The following CPSF2 variants were observed in gnomAD, a reference collection of about 807,000 sequenced individuals.
CPSF2 encodes the protein cleavage and polyadenylation specific factor 2, also known as cleavage and polyadenylation specificity factor subunit 2.
CPSF2 carries 51 observed loss-of-function variants against 84.2 expected under a neutral mutation model. The observed-to-expected ratio is 0.61, with a 90% CI of 0.48 to 0.77. CPSF2 has a LOEUF of 0.77. CPSF2 is among the 30% of genes least tolerant of loss of function. CPSF2 has a pLI of 0.00. For synonymous variants in CPSF2, 286 were observed against 311.9 expected (o/e 0.92, Z 0.87); for missense variants, 641 against 929.4 (o/e 0.69, Z 4.03).
chr14:92,138,161 TTAAG>T (rs2069024835), intron 6 of CPSF2, 67 bp from the exon 7 acceptor site: 1 of 709,684 alleles, frequency 1.4e-6, no homozygotes, highest in South Asian at 2.3e-5. Context: ...TGCTTATTTT[TTAAG>T]TAAGAGAAGC....
At chr14:92,161,068 G>A in intron 14 of CPSF2, 44 bp from the exon 15 acceptor site, 7 of 1,591,518 alleles carry the variant, frequency 4.4e-6, no homozygotes, top group Non-Finnish European at 6.0e-6. Context: ...TGTATGTCTG[G>A]TGTTTTACTT....
At chr14:92,137,078 A>G (rs1426222953) in intron 6 of CPSF2, among the ~76,000 whole-genome samples, 2 of 152,150 alleles carry the variant, frequency 1.3e-5, no homozygotes, top group Non-Finnish European at 2.9e-5. Context: ...AACTTACAAC[A>G]TATATATAAG....
intron 7 of CPSF2, 54 bp downstream of exon 7, chr14:92,138,401 A>T: frequency 1.1e-6 from 1 of 942,194 alleles, no homozygotes; most frequent in Non-Finnish European, 1.5e-6. Context: ...CTTTTTGTAT[A>T]TTTAGGGAAT....
Position 92,155,330 on chromosome 14 carries a change from G to T in CPSF2, c.1442+7G>T. The T allele has an allele frequency of 6.2e-7, 1 of 1,606,990 alleles. No homozygotes were observed. Among genetic ancestry groups the T allele is most frequent in the South Asian group, 1.1e-5 (1 of 90,862 alleles). On this transcript the variant is annotated splice_region_variant and intron_variant, in intron 11 of 15. Coordinates refer to ENST00000298875, the MANE Select transcript of CPSF2 (RefSeq NM_017437.3). ...AATATGGAGAGATTATCAAGTATGT[G>T]AGCAAAACAAACTTTTCTCTCTTAC... is the stretch of plus-strand genomic sequence containing the variant.
chr14:92,134,160 A>G lies in CPSF2; in HGVS notation c.299A>G (p.Asp100Gly), dbSNP rs142923243. 3 of 1,613,954 alleles carry G rather than the reference A, an allele frequency of 1.9e-6. No individual in the cohort carries two copies. Among genetic ancestry groups the G allele is most frequent in the African/African-American group, 1.3e-5 (1 of 74,914 alleles). ...VYKMGQMFMY[D>G]LYQSRHNTED... Reference sequence around the variant, plus strand: ...AAAATGGGACAGATGTTCATGTATGATCTTTATCAGGTAATTTAAGCAATT... The same window carrying G: ...AAAATGGGACAGATGTTCATGTATGGTCTTTATCAGGTAATTTAAGCAATT... The change falls in exon 4 of 16, where the codon GAT (aspartate) becomes GGT (glycine). Residue 100 changes from aspartate (D) to glycine (G), a missense_variant. Physicochemically the swap from Asp to Gly is moderately conservative, Grantham distance 94. Coordinates refer to ENST00000298875, the MANE Select transcript of CPSF2 (RefSeq NM_017437.3).
At chr14:92,151,014 TG>T (rs1236719119) in intron 9 of CPSF2, among the ~76,000 whole-genome samples, 4 of 152,250 alleles carry the variant, frequency 2.6e-5, no homozygotes, top group Admixed American at 2.6e-4. Flanking sequence ...TTGTAAGATC[TG>T]GATAACTTGG....
At chr14:92,122,425 G>A (rs951735901) in intron 1 of CPSF2, 1 of 158,384 alleles carries the variant, frequency 6.3e-6, no homozygotes, top group African/African-American at 2.4e-5. Context: ...CTTGGCGCTG[G>A]AAGAGTTAAA....
At chr14:92,124,513 G>C (rs74074420) in intron 1 of CPSF2, among the ~76,000 whole-genome samples, 1 of 152,258 alleles carries the variant, frequency 6.6e-6, no homozygotes, top group South Asian at 2.1e-4. Context: ...TAAATGGTTG[G>C]CAATACTATT....
intron 14 of CPSF2, among the ~76,000 whole-genome samples, chr14:92,160,052 T>C (rs996530117): frequency 1.3e-5 from 2 of 152,144 alleles, no homozygotes; most frequent in Non-Finnish European, 2.9e-5. Flanking sequence ...AACCTCCGCC[T>C]CCCGGGTTCA....
chr14:92,157,629 G>A lies in CPSF2; in HGVS notation c.1596-30G>A. 1.3e-6 allele frequency: 2 copies of A among 1,529,098 alleles called. No homozygotes were observed. Among genetic ancestry groups the A allele is most frequent in the South Asian group, 2.3e-5 (2 of 87,250 alleles). The allele number at this position is 1,529,098 out of a possible 1,614,324, so 94.7% of individuals were successfully genotyped here. ...ATTTTTTTTTAGAATTATGAGAAAA[G>A]TAATCTTGAATAATCATATCTAATT... On this transcript the variant is annotated intron_variant, in intron 12 of 15. Coordinates refer to ENST00000298875, the MANE Select transcript of CPSF2 (RefSeq NM_017437.3). This position sits in a 1 kb window ranked among gnomAD's most constrained non-coding sequence, Gnocchi z 4.0.
intron 7 of CPSF2, among the ~76,000 whole-genome samples, chr14:92,141,425 G>A (rs1011400949): frequency 6.6e-6 from 1 of 152,054 alleles, no homozygotes; most frequent in African/African-American, 2.4e-5. Flanking sequence ...TCAAACTCCT[G>A]GGCTCAAGCA....
rs1413135936 is a variant in CPSF2, at chr14:92,168,783, T to C, written c.*7039T>C. The C allele has an allele frequency of 1.3e-5, 2 of 152,124 alleles. No individual in the cohort carries two copies. Among genetic ancestry groups the C allele is most frequent in the African/African-American group, 4.8e-5 (2 of 41,372 alleles). The allele number at this position is 152,124 out of a possible 1,614,324, so 9.4% of individuals were successfully genotyped here. On this transcript the variant is annotated 3_prime_UTR_variant, in exon 16 of 16. Transcript: ENST00000298875. ...TGGGCATGGTGGCTGTAGTCCCAGC[T>C]ATTTGGGAGGCTGAGGTGGGAGGAT... is the stretch of plus-strand genomic sequence containing the variant.
At chr14:92,134,752 G>A (rs2068977354) in intron 5 of CPSF2, among the ~76,000 whole-genome samples, 1 of 152,158 alleles carries the variant, frequency 6.6e-6, no homozygotes, top group South Asian at 2.1e-4. Flanking sequence ...ATGAATTCTA[G>A]CATTGGACGT....
intron 3 of CPSF2, among the ~76,000 whole-genome samples, chr14:92,131,849 AAG>A (rs372865412): frequency 1.4e-5 from 2 of 147,816 alleles, no homozygotes; most frequent in South Asian, 2.1e-4. Flanking sequence ...AAAAAAAAAT[AAG>A]ATAAAATAAA....
chr14:92,165,056 C>A lies in CPSF2; in HGVS notation c.*3312C>A, dbSNP rs1332265302. The A allele has an allele frequency of 6.6e-6, 1 of 152,164 alleles. No individual in the cohort carries two copies. Among genetic ancestry groups the A allele is most frequent in the Non-Finnish European group, 1.5e-5 (1 of 68,022 alleles). The allele number at this position is 152,164 out of a possible 1,614,324, so 9.4% of individuals were successfully genotyped here. On this transcript the variant is annotated 3_prime_UTR_variant, in exon 16 of 16. Coordinates refer to ENST00000298875, the MANE Select transcript of CPSF2 (RefSeq NM_017437.3). ...ATGAACTTTTATGTTTGACTTCTTT[C>A]ACTTAGCATAATGTTTTCAGAGTGC...
At position 92,157,125 on chromosome 14, in the gene CPSF2, A is replaced by G. The variant is rs1210014010; in HGVS notation, c.1595+494A>G. Among the ~76,000 whole-genome samples the G allele has an allele frequency of 1.3e-5, 2 of 152,122 alleles. No homozygotes were observed. Among genetic ancestry groups the G allele is most frequent in the Non-Finnish European group, 1.5e-5 (1 of 68,030 alleles). Reference sequence around the variant, plus strand: ...TAATACCAGTAAGTGATCATTTTGGAATTTCTTTTAAGTCATCAGAGAACA... The same window carrying G: ...TAATACCAGTAAGTGATCATTTTGGGATTTCTTTTAAGTCATCAGAGAACA... On this transcript the variant is annotated intron_variant, in intron 12 of 15. Coordinates refer to ENST00000298875, the MANE Select transcript of CPSF2 (RefSeq NM_017437.3). This position sits in a 1 kb window ranked among gnomAD's most constrained non-coding sequence, Gnocchi z 4.0.
intron 9 of CPSF2, among the ~76,000 whole-genome samples, chr14:92,153,533 A>G (rs2069248036): frequency 6.6e-6 from 1 of 152,072 alleles, no homozygotes; most frequent in Non-Finnish European, 1.5e-5. Flanking sequence ...AATTATAAAA[A>G]TGCTTATCTG....
Position 92,134,174 on chromosome 14 carries a change from A to G in CPSF2, c.309+4A>G. The G allele has an allele frequency of 6.2e-7, 1 of 1,613,674 alleles. No homozygotes were observed. The highest frequency in any genetic ancestry group is 8.5e-7 in the Non-Finnish European group (1 of 1,179,676). On this transcript the variant is annotated splice_donor_region_variant and intron_variant, in intron 4 of 15. Transcript: ENST00000298875. Reference sequence around the variant, plus strand: ...GTTCATGTATGATCTTTATCAGGTAATTTAAGCAATTAAAAAAATTTTGTT... The same window carrying G: ...GTTCATGTATGATCTTTATCAGGTAGTTTAAGCAATTAAAAAAATTTTGTT...
intron 1 of CPSF2, among the ~76,000 whole-genome samples, chr14:92,123,819 G>A (rs1304219880): frequency 6.6e-6 from 1 of 152,224 alleles, no homozygotes; most frequent in East Asian, 1.9e-4. Flanking sequence ...CCTTCTTGCA[G>A]TACCCATTTA....
Sources: gnomAD v4.1 joint callset for allele counts (sites outside exome capture counted in the v4.1 genomes callset) on GRCh38, gnomAD v4.1.1 for gene constraint, Gnocchi (gnomAD v3.1) non-coding constraint, MANE v1.5 for transcripts, NCBI Gene and HGNC (gene_info 2026-07-23, HGNC 2026-07-21) for gene names.